Variants in ERICH1 observed in about 807,000 individuals in gnomAD.
ERICH1 encodes the protein glutamate-rich protein 1.
ERICH1 carries 56 observed loss-of-function variants against 39.6 expected under a neutral mutation model. The ratio of observed to expected loss-of-function variants is 1.41; its 90% CI spans 1.14 to 1.77. The LOEUF (loss-of-function observed/expected upper bound fraction) is 1.77, where lower values mean the gene tolerates loss of function less well. ERICH1 is among the 40% of genes most tolerant of loss of function. The pLI, the probability that ERICH1 is intolerant of heterozygous loss-of-function variation, is 0.00. For missense variants in ERICH1, 826 were observed against 575.4 expected (o/e 1.44, Z -4.45); for synonymous variants, 313 against 223.6 (o/e 1.40, Z -3.57).
intron 3 of ERICH1, among the ~76,000 whole-genome samples, chr8:629,457 G>A (rs200528586): frequency 2.7e-5 from 1 of 36,792 alleles, no homozygotes; most frequent in Non-Finnish European, 4.9e-5. Flanking sequence ...TGACTCACAC[G>A]CTCCCGTGAC....
At chr8:723,224 T>C (rs568892350) in intron 1 of ERICH1, among the ~76,000 whole-genome samples, 9 of 152,210 alleles carry the variant, frequency 5.9e-5, no homozygotes, top group Admixed American at 3.9e-4. Context: ...TCACCAGAAA[T>C]GGGTGCTGGC....
chr8:646,620 C>T lies in ERICH1; in HGVS notation c.976+21978G>A, dbSNP rs1251162413. 2.9e-4 allele frequency among the ~76,000 whole-genome samples: 20 copies of T among 68,910 alleles called. 9 individuals are homozygous for T. The Middle Eastern group carries it at 0.033, about 115-fold the overall frequency. The allele number at this position is 68,910 out of a possible 152,430, so 45.2% of individuals were successfully genotyped here. A position where few individuals can be genotyped will look rare whatever the true frequency, so the allele number is the denominator to read the frequency against. ...TTGGGTCCCGTGGCCGAGCCCCTTC[C>T]GCGAGGCTGGACGCTGATGGAGCCA... On this transcript the variant is annotated intron_variant, in intron 3 of 3. Transcript: ENST00000522706.
At chr8:722,116 A>G (rs1817463379) in intron 1 of ERICH1, among the ~76,000 whole-genome samples, 1 of 152,152 alleles carries the variant, frequency 6.6e-6, no homozygotes, top group South Asian at 2.1e-4. Context: ...CACCTCATCA[A>G]CGTGCTCCCC....
rs542096270 is a variant in ERICH1, at chr8:685,236, C to T, written c.304+7242G>A. Among the ~76,000 whole-genome samples the T allele has an allele frequency of 5.3e-5, 8 of 152,230 alleles. No homozygotes were observed. The East Asian group carries it at 9.7e-4, about 18-fold the overall frequency. ...ATTCCTTACTGGGGAAATAATTCAG[C>T]GATATTTCTCTTACCCGTTTTCGGC... On this transcript the variant is annotated intron_variant, in intron 3 of 5. Transcript: ENST00000262109.
At chr8:625,673 A>G (rs1797564271) in intron 3 of ERICH1, 1 of 152,258 alleles carries the variant, frequency 6.6e-6, no homozygotes, top group Non-Finnish European at 1.5e-5. Context: ...GACGGAACTC[A>G]CACATCTTCT....
At chr8:654,993 A>C (rs773489124) in intron 3 of ERICH1, among the ~76,000 whole-genome samples, 2 of 152,202 alleles carry the variant, frequency 1.3e-5, no homozygotes, top group Non-Finnish European at 1.5e-5. Context: ...CCTGGTGCTC[A>C]CTTGGGCACT....
intron 2 of ERICH1, among the ~76,000 whole-genome samples, chr8:707,357 G>A (rs942763966): frequency 4.6e-5 from 7 of 152,106 alleles, no homozygotes; most frequent in Admixed American, 3.9e-4. Context: ...ACAGGTACCT[G>A]CCACCATGCC....
rs541403133 is a variant in ERICH1, at chr8:699,573, G to A, written c.170-6961C>T. Among the ~76,000 whole-genome samples, 6 of 146,550 alleles carry A rather than the reference G, an allele frequency of 4.1e-5. No homozygotes were observed. The South Asian group carries it at 8.8e-4, about 21-fold the overall frequency. The stretch of plus-strand genomic sequence containing the variant: ...AAAAGCAGGCGTTCCAGAGAAGGAG[G>A]ACGGCTTCATTTCCCTCCTATTTTC... On this transcript the variant is annotated intron_variant, in intron 2 of 5. Transcript: ENST00000262109.
chr8:699,957 CCG>C (rs1811475047), intron 2 of ERICH1, among the ~76,000 whole-genome samples: 1 of 126,982 alleles, frequency 7.9e-6, no homozygotes, highest in African/African-American at 3.1e-5. Flanking sequence ...GCGCACAGGC[CCG>C]CACACGCGCA....
At chr8:641,663 A>G (rs1798992613) in intron 3 of ERICH1, among the ~76,000 whole-genome samples, 1 of 152,338 alleles carries the variant, frequency 6.6e-6, no homozygotes, top group South Asian at 2.1e-4. Context: ...TCAGTGGAGA[A>G]CGCAGCGGCC....
At chr8:697,898 G>A (rs1421704247) in intron 2 of ERICH1, among the ~76,000 whole-genome samples, 1 of 152,212 alleles carries the variant, frequency 6.6e-6, no homozygotes, top group Non-Finnish European at 1.5e-5. Flanking sequence ...GACGAGGAGT[G>A]TAGGGACCAG....
chr8:693,314 A>G (rs563083495), intron 2 of ERICH1, among the ~76,000 whole-genome samples: 1 of 152,258 alleles, frequency 6.6e-6, no homozygotes, highest in Non-Finnish European at 1.5e-5. Context: ...TTATACACAT[A>G]TAAGTTATAC....
intron 1 of ERICH1, among the ~76,000 whole-genome samples, chr8:728,161 A>C (rs889986295): frequency 6.6e-6 from 1 of 152,192 alleles, no homozygotes; most frequent in Non-Finnish European, 1.5e-5. Flanking sequence ...GGAGTCAGGG[A>C]GAGGGCCAGA....
intron 2 of ERICH1, among the ~76,000 whole-genome samples, chr8:710,621 T>C (rs1423202039): frequency 6.6e-6 from 1 of 152,270 alleles, no homozygotes; most frequent in Non-Finnish European, 1.5e-5. Flanking sequence ...GAGTTGGAAT[T>C]GCAATGTGTA....
rs1257403206 is a variant in ERICH1, at chr8:664,343, A to T, written c.*260T>A. The T allele has an allele frequency of 4.7e-5, 52 of 1,113,304 alleles. No homozygotes were observed. The highest frequency in any genetic ancestry group is 5.4e-5 in the Non-Finnish European group (49 of 912,916). The allele number at this position is 1,113,304 out of a possible 1,614,324, so 69.0% of individuals were successfully genotyped here. On this transcript the variant is annotated 3_prime_UTR_variant, in exon 6 of 6. Coordinates refer to ENST00000262109, the MANE Select transcript of ERICH1 (RefSeq NM_207332.3). ...CAGAATGTCCATTTTCAATTTTTAC[A>T]ATAAGTAGAGAAACAGAATCAAGTT... is the stretch of plus-strand genomic sequence containing the variant.
chr8:713,650 G>A (rs926173430), intron 2 of ERICH1, among the ~76,000 whole-genome samples: 2 of 152,200 alleles, frequency 1.3e-5, no homozygotes, highest in South Asian at 2.1e-4. Context: ...TATTACGTCT[G>A]TGGGAAGATG....
intron 3 of ERICH1, among the ~76,000 whole-genome samples, chr8:631,395 C>T (rs922997870): frequency 2.0e-5 from 3 of 152,104 alleles, no homozygotes; most frequent in Non-Finnish European, 4.4e-5. Flanking sequence ...GAGAGGTGTG[C>T]GGGGCAGGGG....
chr8:643,451 T>C (rs1799250123), intron 3 of ERICH1, among the ~76,000 whole-genome samples: 1 of 152,080 alleles, frequency 6.6e-6, no homozygotes, highest in Non-Finnish European at 1.5e-5. Flanking sequence ...AGGGGGCATT[T>C]TGCAGACTGG....
chr8:630,048 C>A (rs1387080376), intron 3 of ERICH1, among the ~76,000 whole-genome samples: 19 of 74,050 alleles, frequency 2.6e-4, no homozygotes, highest in Admixed American at 1.1e-3. Context: ...ACCACCCACA[C>A]AGACAGAGCT....
Sources: allele counts gnomAD v4.1 joint callset (sites outside exome capture counted in the v4.1 genomes callset), GRCh38; gene constraint gnomAD v4.1.1; transcripts MANE v1.5; gene names NCBI Gene and HGNC (gene_info 2026-07-23, HGNC 2026-07-21).